EMG1: variants seen among roughly 807,000 people sequenced by gnomAD.
EMG1 encodes the protein EMG1 N1-specific pseudouridine methyltransferase.
A neutral mutation model predicts 26.9 loss-of-function variants in EMG1; 24 were observed. The observed-to-expected ratio is 0.89, with a 90% CI of 0.65 to 1.26. The LOEUF (loss-of-function observed/expected upper bound fraction) is 1.26, where lower values mean the gene tolerates loss of function less well. Among genes scored for constraint, EMG1 ranks in the 50% most tolerant of loss-of-function variants. EMG1 has a pLI of 0.00. For synonymous variants in EMG1, 140 were observed against 112.6 expected (o/e 1.24, Z -1.54); for missense variants, 299 against 307.6 (o/e 0.97, Z 0.21).
chr12:6,986,827 C>A (rs1300474669), intron 6 of EMG1, among the ~76,000 whole-genome samples: 1 of 149,174 alleles, frequency 6.7e-6, no homozygotes, highest in South Asian at 2.1e-4. Flanking sequence ...AAAAGTTACA[C>A]CTGTCGGCCG....
chr12:6,990,566 TTGAG>T (rs1457349260), downstream of EMG1, among the ~76,000 whole-genome samples: 1 of 117,100 alleles, frequency 8.5e-6, no homozygotes. Context: ...AATAAATAAA[TTGAG>T]CACCCCAAAC....
intron 7 of EMG1, among the ~76,000 whole-genome samples, chr12:6,996,051 C>G (rs1946633296): frequency 6.6e-6 from 1 of 152,076 alleles, no homozygotes; most frequent in African/African-American, 2.4e-5. Context: ...CCTCTCAAGG[C>G]CTCTATTCTC....
intron 7 of EMG1, among the ~76,000 whole-genome samples, chr12:6,995,121 CTTT>C (rs34836555): frequency 1.3e-4 from 19 of 144,986 alleles, no homozygotes; most frequent in Admixed American, 2.0e-4. Context: ...CTTCTCTGGG[CTTT>C]TTTTTTTTTT....
downstream of EMG1, chr12:6,981,153 A>G: frequency 6.2e-7 from 1 of 1,612,496 alleles, no homozygotes; most frequent in South Asian, 1.1e-5. Flanking sequence ...CACGTATGGC[A>G]TATTTCTGTT....
intron 6 of EMG1, among the ~76,000 whole-genome samples, chr12:6,985,893 G>T (rs1212531779): frequency 6.7e-6 from 1 of 150,364 alleles, no homozygotes; most frequent in Non-Finnish European, 1.5e-5. Context: ...TCCTGCTTCA[G>T]CCTCCCAAGT....
chr12:6,990,162 A>G (rs782305550), downstream of EMG1, among the ~76,000 whole-genome samples: 2 of 151,624 alleles, frequency 1.3e-5, no homozygotes, highest in Middle Eastern at 3.4e-3. Context: ...TGGGCAACAA[A>G]GTTGTTTTTT....
In EMG1 at chr12:6,975,264, TGGA is replaced by T. The variant is rs1946380259; in HGVS notation, c.508_510del (p.Gly170del). 6.2e-7 allele frequency: 1 copy of T among 1,613,608 alleles called. No individual in the cohort carries two copies. On this transcript the variant is annotated inframe_deletion, in exon 5 of 6. Coordinates refer to ENST00000599672, the MANE Select transcript of EMG1 (RefSeq NM_006331.8). Reference sequence around the variant, plus strand: ...ATCCAGTATCAGATCACTTTCCAGTTGGATGTATGAAAGTTGGCACTTCTTTTT... The same window carrying T: ...ATCCAGTATCAGATCACTTTCCAGTTTGTATGAAAGTTGGCACTTCTTTTT...
rs1946395596 is a variant in EMG1, at chr12:6,976,005, TC to T, written c.*198del. The stretch of plus-strand genomic sequence containing the variant: ...TGGTTGTTTTGGGGTTCCTAAAGTA[TC>T]CAGTGGTGTAAAACTGTTTGTTCCC... On this transcript the variant is annotated 3_prime_UTR_variant, in exon 6 of 6. Transcript: ENST00000599672. 8 of 547,138 alleles carry T rather than the reference TC, an allele frequency of 1.5e-5. No individual in the cohort carries two copies. In the South Asian group the frequency reaches 1.9e-4, roughly 13 times the overall value. The allele number at this position is 547,138 out of a possible 1,614,324, so 33.9% of individuals were successfully genotyped here.
Position 6,979,591 on chromosome 12 carries a change from C to G in EMG1, c.*3782C>G. 6.4e-7 allele frequency: 1 copy of G among 1,571,670 alleles called. No individual in the cohort carries two copies. The highest frequency in any genetic ancestry group is 8.8e-7 in the Non-Finnish European group (1 of 1,141,396). ...GAGCAGGAATGATGCTGGAAAGGAA[C>G]GAGTGAAGTTCCTGGTCACAGAGAG... On this transcript the variant is annotated 3_prime_UTR_variant, in exon 6 of 6. Coordinates refer to ENST00000599672, the MANE Select transcript of EMG1 (RefSeq NM_006331.8).
intron 1 of EMG1, among the ~76,000 whole-genome samples, chr12:6,973,995 G>A (rs782189542): frequency 1.9e-4 from 29 of 152,362 alleles, no homozygotes; most frequent in African/African-American, 6.0e-4. Flanking sequence ...CTCCTGCCTA[G>A]TTCCAGGATG....
In EMG1 at chr12:6,976,944, G is replaced by A. The variant is rs1946410453; in HGVS notation, c.*1135G>A. The A allele has an allele frequency of 1.8e-6, 1 of 557,180 alleles. No homozygotes were observed. The highest frequency in any genetic ancestry group is 3.1e-5 in the Admixed American group (1 of 32,776). 34.5% of individuals were successfully genotyped at this position (557,180 alleles called of 1,614,324 possible). A position where few individuals can be genotyped will look rare whatever the true frequency, so the allele number is the denominator to read the frequency against. ...TGGTTAGTTACTCCTGTAATTCCTG[G>A]TCTATAGCCCTTCCAGATGTTTCCT... On this transcript the variant is annotated 3_prime_UTR_variant, in exon 6 of 6. Transcript: ENST00000599672.
chr12:6,997,109 T>C (rs760140796), intron 7 of EMG1: 1 of 152,250 alleles, frequency 6.6e-6, no homozygotes, highest in Non-Finnish European at 1.5e-5. Context: ...CAAACCTTTT[T>C]GCTGGCATAG....
downstream of EMG1, chr12:6,981,453 G>GTGCT: frequency 1.2e-6 from 1 of 868,954 alleles, no homozygotes; most frequent in Non-Finnish European, 1.9e-6. Context: ...TCCTTGCTCA[G>GTGCT]TGCTATCTGA....
downstream of EMG1, among the ~76,000 whole-genome samples, chr12:6,988,671 C>T (rs1796170658): frequency 6.6e-6 from 1 of 152,204 alleles, no homozygotes; most frequent in South Asian, 2.1e-4. Flanking sequence ...GTGGGAAGGA[C>T]TTCCACTTTT....
chr12:6,973,065 C>T (rs1406107157), intron 1 of EMG1, among the ~76,000 whole-genome samples: 1 of 149,796 alleles, frequency 6.7e-6, no homozygotes, highest in Non-Finnish European at 1.5e-5. Context: ...GTCTCAAATT[C>T]CTGGGCTCAA....
intron 1 of EMG1, 105 bp from the exon 2 acceptor site, chr12:6,974,234 T>G (rs1270117376): frequency 2.5e-6 from 2 of 813,690 alleles, no homozygotes; most frequent in African/African-American, 1.7e-5. Flanking sequence ...CTAACAAGTT[T>G]CCAGGTGCAG....
downstream of EMG1, among the ~76,000 whole-genome samples, chr12:6,988,628 C>G (rs1476522143): frequency 6.6e-6 from 1 of 152,170 alleles, no homozygotes; most frequent in Non-Finnish European, 1.5e-5. Flanking sequence ...TGCTCACCCT[C>G]CCACTCATCA....
chr12:6,971,200 G>A (rs1445678951), intron 1 of EMG1, 109 bp downstream of exon 1: 45 of 886,402 alleles, frequency 5.1e-5, no homozygotes, highest in Non-Finnish European at 7.1e-5. Flanking sequence ...GGTGAAAGAT[G>A]CTTTTGAAGG....
At position 6,975,861 on chromosome 12, in the gene EMG1, A is replaced by T; in HGVS notation, c.*52A>T. The T allele has an allele frequency of 4.6e-6, 5 of 1,090,514 alleles. No homozygotes were observed. The highest frequency in any genetic ancestry group is 7.1e-6 in the Non-Finnish European group (5 of 707,164). The allele number at this position is 1,090,514 out of a possible 1,614,324, so 67.6% of individuals were successfully genotyped here. ...GAAACTGTTGATGTCACATCCTTTG[A>T]CCCTGGTCTGAGCTGACTGCTGGAA... On this transcript the variant is annotated 3_prime_UTR_variant, in exon 6 of 6. Coordinates refer to ENST00000599672, the MANE Select transcript of EMG1 (RefSeq NM_006331.8).
Sources: allele counts gnomAD v4.1 joint callset (sites outside exome capture counted in the v4.1 genomes callset), GRCh38; gene constraint gnomAD v4.1.1; transcripts MANE v1.5; gene names NCBI Gene and HGNC (gene_info 2026-07-23, HGNC 2026-07-21).